The following DGKG variants were observed in gnomAD, a reference collection of about 807,000 sequenced individuals.
The protein encoded by DGKG is DAG kinase gamma.
A neutral mutation model predicts 105.3 loss-of-function variants in DGKG; 78 were observed. That is an observed-to-expected ratio of 0.74 (90% confidence interval 0.62 to 0.89). The LOEUF is 0.89. Among genes scored for constraint, DGKG ranks in the 40% least tolerant of loss-of-function variants. The pLI, the probability that DGKG is intolerant of heterozygous loss-of-function variation, is 0.00. For synonymous variants in DGKG, 346 were observed against 367.1 expected, an observed-to-expected ratio of 0.94 and a Z score of 0.66; for missense variants, 958 against 1,020.1, an observed-to-expected ratio of 0.94 and a Z score of 0.83.
At chr3:186,221,436 C>CCT (rs1719574608) in intron 20 of DGKG, among the ~76,000 whole-genome samples, 1 of 152,192 alleles carries the variant, frequency 6.6e-6, no homozygotes, top group Admixed American at 6.5e-5. Context: ...AAGAAAATCC[C>CCT]CTTCAGGCTG....
chr3:186,348,612 T>C (rs975610637), intron 1 of DGKG, among the ~76,000 whole-genome samples: 15 of 151,858 alleles, frequency 9.9e-5, no homozygotes, highest in Non-Finnish European at 2.1e-4. Flanking sequence ...TCACCATTCC[T>C]GGCTAATTTT....
intron 3 of DGKG, among the ~76,000 whole-genome samples, chr3:186,299,840 T>TCTTTCTTTCTTTCTTTCCTTC (rs1553815789): frequency 2.5e-5 from 2 of 80,726 alleles, no homozygotes; most frequent in African/African-American, 1.0e-4. Context: ...TTTCTTTCTT[T>TCTTTCTTTCTTTCTTTCCTTC]TTTTTTTTTT....
In DGKG at chr3:186,267,695, G is replaced by A; in HGVS notation, c.1199C>T (p.Pro400Leu). ...DHILLPTSIC[P>L]ITRDRPGEKS... ...GGCAGGAGCACTTACCCGGGTGATG[G>A]GGCATATGGAGGTGGGCAGTAAGAT... is the stretch of plus-strand genomic sequence containing the variant. Residue 400 changes from proline to leucine, a missense_variant, in exon 13 of 25, where the codon CCC (proline) becomes CTC (leucine). Coordinates refer to ENST00000265022, the MANE Select transcript of DGKG (RefSeq NM_001346.3). 1 of 1,613,944 alleles carries A rather than the reference G, an allele frequency of 6.2e-7. No homozygotes were observed. Among genetic ancestry groups the A allele is most frequent in the South Asian group, 1.1e-5 (1 of 91,072 alleles).
At chr3:186,208,333 C>T (rs182938547) in intron 21 of DGKG, among the ~76,000 whole-genome samples, 304 of 152,122 alleles carry the variant, frequency 2.0e-3, no homozygotes, top group African/African-American at 6.3e-3. Context: ...TGAGCCACCG[C>T]GCCTCGCCAC....
chr3:186,179,327 C>T (rs536686524), intron 22 of DGKG, among the ~76,000 whole-genome samples: 2 of 152,238 alleles, frequency 1.3e-5, no homozygotes, highest in African/African-American at 2.4e-5. Flanking sequence ...GTATAATGCA[C>T]CTAGCCTAAT....
chr3:186,241,804 ATACGTC>A (rs1302845627), intron 20 of DGKG, among the ~76,000 whole-genome samples: 1 of 152,226 alleles, frequency 6.6e-6, no homozygotes, highest in Admixed American at 6.5e-5. Context: ...AGGGGTAGCT[ATACGTC>A]AGTCACAACT....
At chr3:186,289,869 C>T (rs978339051) in intron 5 of DGKG, among the ~76,000 whole-genome samples, 1 of 152,096 alleles carries the variant, frequency 6.6e-6, no homozygotes, top group African/African-American at 2.4e-5. Context: ...ACTCTTCATT[C>T]GGAGAAACAA....
intron 17 of DGKG, chr3:186,257,617 C>G (rs1415436392): frequency 2.2e-6 from 1 of 450,676 alleles, no homozygotes; most frequent in Non-Finnish European, 4.1e-6. Context: ...ATCTGCTTTA[C>G]AGGAAAGGCC....
chr3:186,297,068 T>TCACACACACACACACACACACACACA (rs55826465), intron 5 of DGKG, among the ~76,000 whole-genome samples: 54 of 130,498 alleles, frequency 4.1e-4, no homozygotes, highest in East Asian at 4.5e-4. Context: ...TCTGTCTCTC[T>TCACACACACACACACACACACACACA]CACACACACA....
At chr3:186,345,099 AT>A (rs1450449665) in intron 1 of DGKG, among the ~76,000 whole-genome samples, 1 of 152,144 alleles carries the variant, frequency 6.6e-6, no homozygotes, top group Non-Finnish European at 1.5e-5. Flanking sequence ...TTCCATGGCC[AT>A]TATATCTTCA....
chr3:186,340,568 T>G (rs1208870507), intron 1 of DGKG, among the ~76,000 whole-genome samples: 1 of 152,208 alleles, frequency 6.6e-6, no homozygotes, highest in Non-Finnish European at 1.5e-5. Context: ...CTGAGTTTAG[T>G]TTGGTCAGAA....
chr3:186,149,845 G>A lies in DGKG; in HGVS notation c.*245C>T, dbSNP rs1715670857. The A allele has an allele frequency of 1.6e-6, 2 of 1,212,648 alleles. No individual in the cohort carries two copies. Among genetic ancestry groups the A allele is most frequent in the Admixed American group, 8.7e-5 (2 of 22,946 alleles). The allele number at this position is 1,212,648 out of a possible 1,614,324, so 75.1% of individuals were successfully genotyped here. A position where few individuals can be genotyped will look rare whatever the true frequency, so the allele number is the denominator to read the frequency against. On this transcript the variant is annotated 3_prime_UTR_variant, in exon 25 of 25. Transcript: ENST00000265022. Reference sequence around the variant, plus strand: ...CTGCCTAAGCCAGCCACAACCTCATGGGCCCTAAGTCCATTCAAAATGTTT... The same window carrying A: ...CTGCCTAAGCCAGCCACAACCTCATAGGCCCTAAGTCCATTCAAAATGTTT...
Position 186,304,835 on chromosome 3 carries a change from T to C in DGKG, c.144+2066A>G, listed in dbSNP as rs559401874. Among the ~76,000 whole-genome samples the C allele has an allele frequency of 8.5e-4, 129 of 152,202 alleles. 2 individuals carry two copies. In the South Asian group the frequency reaches 0.026, roughly 31 times the overall value. The stretch of plus-strand genomic sequence containing the variant: ...CAAGACCACTTGTTGATGGCAGAGG[T>C]AGAAGTCTAACTTAAGACCATGTAA... On this transcript the variant is annotated intron_variant, in intron 3 of 24. Transcript: ENST00000265022.
At chr3:186,173,754 G>A (rs954713698) in intron 22 of DGKG, among the ~76,000 whole-genome samples, 2 of 152,232 alleles carry the variant, frequency 1.3e-5, no homozygotes, top group Non-Finnish European at 2.9e-5. Context: ...AAAGCCTAGG[G>A]GTGGGGAAAC....
rs1722792546 is a variant in DGKG, at chr3:186,280,717, G to A, written c.622C>T (p.Leu208=). 6.2e-7 allele frequency: 1 copy of A among 1,613,932 alleles called. No homozygotes were observed. Among genetic ancestry groups the A allele is most frequent in the South Asian group, 1.1e-5 (1 of 91,088 alleles). ...CACTCCAGGTACTGGGCAATATGCA[G>A]CATTTGGTTGACAATGCAATCCATC... ...AEMDCIVNQM[L]HIAQYLEWDP... Residue 208 remains leucine, a synonymous_variant, in exon 8 of 25, where the codon CTG becomes TTG. Transcript: ENST00000265022.
At chr3:186,283,508 C>G (rs539540305) in intron 7 of DGKG, among the ~76,000 whole-genome samples, 2 of 152,338 alleles carry the variant, frequency 1.3e-5, no homozygotes, top group East Asian at 3.9e-4. Flanking sequence ...GCGACCCTCG[C>G]TAAAGCTTCA....
chr3:186,222,748 G>A (rs1719649409), intron 20 of DGKG, among the ~76,000 whole-genome samples: 1 of 151,690 alleles, frequency 6.6e-6, no homozygotes, highest in South Asian at 2.1e-4. Flanking sequence ...GGAGGCTGAG[G>A]CGGGCGGATC....
At chr3:186,209,167 C>G (rs1048923234) in intron 21 of DGKG, among the ~76,000 whole-genome samples, 2 of 141,762 alleles carry the variant, frequency 1.4e-5, no homozygotes, top group South Asian at 4.5e-4. Context: ...GTGGCACCAT[C>G]TCAGCTCACT....
chr3:186,222,929 C>T lies in DGKG; in HGVS notation c.1827-11044G>A, dbSNP rs946040588. 1.1e-4 allele frequency among the ~76,000 whole-genome samples: 16 copies of T among 148,086 alleles called. 1 individual carries two copies. The highest frequency in any genetic ancestry group is 1.0e-3 in the Admixed American group (15 of 14,494). On this transcript the variant is annotated intron_variant, in intron 20 of 24. Coordinates refer to ENST00000265022, the MANE Select transcript of DGKG (RefSeq NM_001346.3). The stretch of plus-strand genomic sequence containing the variant: ...GGAGGCAGAGGTGGCCACTGCACTC[C>T]AGCCTGGGCGACAGAGTGAGACTCT...
Sources: gnomAD v4.1 joint callset for allele counts (sites outside exome capture counted in the v4.1 genomes callset) on GRCh38, gnomAD v4.1.1 for gene constraint, MANE v1.5 for transcripts, NCBI Gene and HGNC (gene_info 2026-07-23, HGNC 2026-07-21) for gene names.